SH3D19: variants seen among roughly 807,000 people sequenced by gnomAD.
SH3D19 encodes SH3 domain containing 19, also known as SH3 domain-containing protein 19.
Under a neutral mutation model 112.1 loss-of-function variants are expected in SH3D19, and 58 were observed. That is an observed-to-expected ratio of 0.52 (90% CI 0.42 to 0.64). The LOEUF is 0.64. SH3D19 is among the 30% of genes least tolerant of loss of function. The probability of loss-of-function intolerance (pLI) is 0.00; values close to 1 mark genes in which losing one functional copy is unlikely to be tolerated. For synonymous variants in SH3D19, 391 were observed against 448.5 expected (o/e 0.87, Z 1.62); for missense variants, 1,090 against 1,263.4 (o/e 0.86, Z 2.08).
chr4:151,227,676 A>T, intron 1 of SH3D19: 3 of 896,716 alleles, frequency 3.3e-6, no homozygotes, highest in Non-Finnish European at 4.0e-6. Flanking sequence ...GCTTCGCTAC[A>T]AAAATGAAGT....
intron 12 of SH3D19, 64 bp from the exon 13 acceptor site, chr4:151,139,911 C>T: frequency 6.6e-7 from 1 of 1,512,510 alleles, no homozygotes; most frequent in Non-Finnish European, 9.1e-7. Flanking sequence ...ATTATTCACT[C>T]TGAGACCAAT....
chr4:151,295,857 G>A (rs1452011154), intron 1 of SH3D19, among the ~76,000 whole-genome samples: 3 of 152,136 alleles, frequency 2.0e-5, no homozygotes, highest in Non-Finnish European at 4.4e-5. Context: ...CCAACATGGT[G>A]AAACCCTGTC....
rs1033680921 is a variant in SH3D19, at chr4:151,143,768, AAGT to A, written c.2223+139_2223+141del. ...GTCTCTTAGTAGTAATTTATTCTAA[AAGT>A]AGAATAAATGCTACTGTAATTTTTA... On this transcript the variant is annotated intron_variant, in intron 12 of 19. Transcript: ENST00000604030. 6.8e-5 allele frequency: 61 copies of A among 898,774 alleles called. No homozygotes were observed. In the African/African-American group the frequency reaches 9.8e-4, roughly 14 times the overall value. 55.7% of individuals were successfully genotyped at this position (898,774 alleles called of 1,614,324 possible).
At chr4:151,209,753 T>C (rs902829055) in intron 2 of SH3D19, among the ~76,000 whole-genome samples, 4 of 152,196 alleles carry the variant, frequency 2.6e-5, no homozygotes, top group African/African-American at 7.2e-5. Context: ...CTGGTGTCTA[T>C]GCCTTGAATC....
intron 13 of SH3D19, among the ~76,000 whole-genome samples, chr4:151,138,684 T>TCACACACACACACA (rs1491306799): frequency 7.4e-6 from 1 of 135,780 alleles, no homozygotes; most frequent in Non-Finnish European, 1.6e-5. Context: ...CAAGATCTTG[T>TCACACACACACACA]CTCACACACA....
chr4:151,288,252 C>T (rs1237735871), intron 1 of SH3D19, among the ~76,000 whole-genome samples: 1 of 152,150 alleles, frequency 6.6e-6, no homozygotes, highest in Non-Finnish European at 1.5e-5. Flanking sequence ...TTCTATGCAA[C>T]ACTGTACTGG....
Position 151,314,475 on chromosome 4 carries a change from C to T in SH3D19, c.112+10766G>A, listed in dbSNP as rs74929452. Reference sequence around the variant, plus strand: ...TTCCTATTCCAAAGATGTAAAAAAACGGTGGAGTGGGGGCCTCATAAAACC... The same window carrying T: ...TTCCTATTCCAAAGATGTAAAAAAATGGTGGAGTGGGGGCCTCATAAAACC... On this transcript the variant is annotated intron_variant, in intron 1 of 19. Coordinates refer to ENST00000604030, the MANE Select transcript of SH3D19 (RefSeq NM_001378122.1). Among the ~76,000 whole-genome samples, 15 of 152,220 alleles carry T rather than the reference C, an allele frequency of 9.9e-5. No individual in the cohort carries two copies. The East Asian group carries it at 2.1e-3, about 22-fold the overall frequency.
At chr4:151,154,178 GC>G (rs1045334234) in intron 9 of SH3D19, among the ~76,000 whole-genome samples, 10 of 150,426 alleles carry the variant, frequency 6.6e-5, no homozygotes, top group African/African-American at 2.5e-4. Context: ...TGTTGCCCAG[GC>G]TGGAGTGCAA....
chr4:151,260,405 C>A (rs1449569591), intron 1 of SH3D19, among the ~76,000 whole-genome samples: 1 of 152,190 alleles, frequency 6.6e-6, no homozygotes, highest in Non-Finnish European at 1.5e-5. Context: ...TCTCTGCCTT[C>A]CCCATTTCAT....
At chr4:151,144,205 A>G in intron 11 of SH3D19, 155 bp from the exon 12 acceptor site, 1 of 1,612,478 alleles carries the variant, frequency 6.2e-7, no homozygotes, top group Non-Finnish European at 8.5e-7. Context: ...CAGTAAGGAA[A>G]GAGCTCTACT....
intron 1 of SH3D19, among the ~76,000 whole-genome samples, chr4:151,239,011 G>C (rs867007981): frequency 6.6e-6 from 1 of 152,114 alleles, no homozygotes; most frequent in South Asian, 2.1e-4. Context: ...TGCTTCTAAA[G>C]TAAGTGCCCA....
intron 1 of SH3D19, among the ~76,000 whole-genome samples, chr4:151,312,691 G>A (rs932311487): frequency 6.6e-6 from 1 of 152,044 alleles, no homozygotes; most frequent in Non-Finnish European, 1.5e-5. Flanking sequence ...ATCAGGTCAG[G>A]AGTTTGAGAT....
At chr4:151,125,417 G>C (rs1181875282) in intron 19 of SH3D19, among the ~76,000 whole-genome samples, 1 of 148,770 alleles carries the variant, frequency 6.7e-6, no homozygotes, top group East Asian at 2.0e-4. Context: ...AGTGAACTGA[G>C]ATTGTGTCAC....
intron 6 of SH3D19, 113 bp from the exon 7 acceptor site, chr4:151,175,787 A>T (rs1759847452): frequency 1.9e-6 from 2 of 1,053,268 alleles, no homozygotes; most frequent in African/African-American, 3.3e-5. Flanking sequence ...TGGAATATCA[A>T]GAGATTTTGG....
intron 2 of SH3D19, among the ~76,000 whole-genome samples, chr4:151,224,427 A>G (rs1182194879): frequency 2.9e-4 from 44 of 152,200 alleles, no homozygotes; most frequent in Admixed American, 2.0e-3. Context: ...ATGACATAAG[A>G]TTTTTGATTC....
At position 151,171,223 on chromosome 4, in the gene SH3D19, T is replaced by C. The variant is rs78332517; in HGVS notation, c.1534+3447A>G. ...AATGGCTATTTTCTTTTTTTTTTTTTCCTCACAGCTCCAAACAGTCACTGA... is the reference window on the plus strand; with the variant it reads ...AATGGCTATTTTCTTTTTTTTTTTTCCCTCACAGCTCCAAACAGTCACTGA... On this transcript the variant is annotated intron_variant, in intron 7 of 19. Transcript: ENST00000604030. Among the ~76,000 whole-genome samples the C allele has an allele frequency of 3.5e-3, 536 of 152,010 alleles. 5 individuals carry two copies. The highest frequency in any genetic ancestry group is 0.011 in the African/African-American group (461 of 41,454).
At chr4:151,223,396 T>A (rs925148655) in intron 2 of SH3D19, among the ~76,000 whole-genome samples, 2 of 152,164 alleles carry the variant, frequency 1.3e-5, no homozygotes, top group African/African-American at 4.8e-5. Context: ...TACCCCAAAA[T>A]TTGGCCAGTG....
intron 1 of SH3D19, among the ~76,000 whole-genome samples, chr4:151,322,453 A>C (rs1400352061): frequency 6.6e-6 from 1 of 150,640 alleles, no homozygotes; most frequent in African/African-American, 2.5e-5. Flanking sequence ...AAAAAAAAAA[A>C]AACCTTTCCT....
chr4:151,148,947 A>G (rs1038012962), intron 10 of SH3D19, among the ~76,000 whole-genome samples: 6 of 152,138 alleles, frequency 3.9e-5, no homozygotes, highest in African/African-American at 1.4e-4. Flanking sequence ...CTGAGGCAGG[A>G]GAATCGCTTG....
Sources: gnomAD v4.1 joint callset for allele counts (sites outside exome capture counted in the v4.1 genomes callset) on GRCh38, gnomAD v4.1.1 for gene constraint, MANE v1.5 for transcripts, NCBI Gene and HGNC (gene_info 2026-07-23, HGNC 2026-07-21) for gene names.